Variants in MSI2 observed in about 807,000 individuals in gnomAD.
MSI2 encodes musashi RNA binding protein 2, also known as RNA-binding protein Musashi homolog 2.
Under a neutral mutation model 45.6 loss-of-function variants are expected in MSI2, and 17 were observed. That is an observed-to-expected ratio of 0.37 (90% CI 0.26 to 0.56). The LOEUF (loss-of-function observed/expected upper bound fraction) is 0.56, where lower values mean the gene tolerates loss of function less well. MSI2 is among the 20% of genes least tolerant of loss of function. The pLI, the probability that MSI2 is intolerant of heterozygous loss-of-function variation, is 0.77. For synonymous variants in MSI2, 156 were observed against 158.2 expected (o/e 0.99, Z 0.11); for missense variants, 293 against 444.2 (o/e 0.66, Z 3.06).
At chr17:57,331,831 C>T (rs1453538622) in intron 5 of MSI2, among the ~76,000 whole-genome samples, 4 of 152,184 alleles carry the variant, frequency 2.6e-5, no homozygotes, top group African/African-American at 7.2e-5. Context: ...TGTAAGTTTA[C>T]ACCAGTAAAG....
intron 10 of MSI2, among the ~76,000 whole-genome samples, chr17:57,646,527 G>A (rs1851064233): frequency 6.6e-6 from 1 of 152,198 alleles, no homozygotes; most frequent in African/African-American, 2.4e-5. Flanking sequence ...TGAGATGAAG[G>A]GACGTTAGAG....
chr17:57,653,686 T>A (rs1451815764), intron 11 of MSI2, among the ~76,000 whole-genome samples: 1 of 152,178 alleles, frequency 6.6e-6, no homozygotes, highest in East Asian at 1.9e-4. Flanking sequence ...GTTTCTTTCT[T>A]TTTATAACTT....
At chr17:57,597,758 T>G (rs1210371138) in intron 8 of MSI2, among the ~76,000 whole-genome samples, 1 of 152,280 alleles carries the variant, frequency 6.6e-6, no homozygotes, top group Non-Finnish European at 1.5e-5. Context: ...TCTTTTGCTG[T>G]GCAGCTTTTG....
At chr17:57,319,148 A>G (rs1229804659) in intron 5 of MSI2, among the ~76,000 whole-genome samples, 5 of 152,238 alleles carry the variant, frequency 3.3e-5, no homozygotes, top group African/African-American at 1.2e-4. Flanking sequence ...GGCTGAGACA[A>G]TTGCTTAGAT....
rs539605962 is a variant in MSI2 at position 57,373,249 on chromosome 17, A to G, written c.313-28130A>G. On this transcript the variant is annotated intron_variant, in intron 5 of 13. Coordinates refer to ENST00000284073, the MANE Select transcript of MSI2 (RefSeq NM_138962.4). ...TGTCAAAAAAAAAAAATCACCAAAT[A>G]TTAGGTGTGTTAAGATCCTGGGAGA... Among the ~76,000 whole-genome samples, 637 of 150,884 alleles carry G rather than the reference A, an allele frequency of 4.2e-3. 3 individuals are homozygous for G. Among genetic ancestry groups the G allele is most frequent in the Non-Finnish European group, 6.5e-3 (435 of 67,386 alleles).
chr17:57,549,552 G>A (rs879815250), intron 7 of MSI2, among the ~76,000 whole-genome samples: 1 of 152,088 alleles, frequency 6.6e-6, no homozygotes, highest in Non-Finnish European at 1.5e-5. Context: ...TTAGGAGCTG[G>A]GTGAATATAA....
rs145308794 is a variant in MSI2, at chr17:57,308,593, A to G, written c.312+46401A>G. ...GCTTTTCCCCTGACCTTGTCATTTC[A>G]TTACCATCAGCTTTTGCTTGGTATG... is the stretch of plus-strand genomic sequence containing the variant. On this transcript the variant is annotated intron_variant, in intron 5 of 13. Transcript: ENST00000284073. 4.6e-5 allele frequency among the ~76,000 whole-genome samples: 7 copies of G among 152,194 alleles called. No homozygotes were observed. The East Asian group carries it at 1.4e-3, about 29-fold the overall frequency.
chr17:57,691,200 C>CTCTCTCTCATCTATCT, the MSI2 span, among the ~76,000 whole-genome samples: 7 of 140,312 alleles, frequency 5.0e-5, no homozygotes, highest in African/African-American at 1.8e-4. Flanking sequence ...CTCTCTCTCT[C>CTCTCTCTCATCTATCT]ATCTATCTAT....
chr17:57,508,666 G>T (rs1196548253), intron 6 of MSI2, among the ~76,000 whole-genome samples: 1 of 152,196 alleles, frequency 6.6e-6, no homozygotes, highest in Non-Finnish European at 1.5e-5. Context: ...TGGTTCAGAT[G>T]CCATCAGATG....
chr17:57,275,796 A>C (rs964014156), intron 5 of MSI2, among the ~76,000 whole-genome samples: 4 of 152,190 alleles, frequency 2.6e-5, no homozygotes, highest in African/African-American at 9.7e-5. Context: ...TACATTGACT[A>C]ATTATAGGGA....
At chr17:57,538,970 T>C (rs2086981710) in intron 7 of MSI2, among the ~76,000 whole-genome samples, 1 of 152,232 alleles carries the variant, frequency 6.6e-6, no homozygotes, top group African/African-American at 2.4e-5. Context: ...GCTTACGTCA[T>C]TTAATGAGTA....
chr17:57,574,041 A>G (rs968650782), intron 7 of MSI2, among the ~76,000 whole-genome samples: 1 of 152,158 alleles, frequency 6.6e-6, no homozygotes, highest in Non-Finnish European at 1.5e-5. Flanking sequence ...CTAGAGGAGA[A>G]CAAGTCAGGA....
intron 10 of MSI2, among the ~76,000 whole-genome samples, chr17:57,650,824 G>T (rs1240203791): frequency 6.6e-6 from 1 of 152,114 alleles, no homozygotes; most frequent in Non-Finnish European, 1.5e-5. Context: ...CTCTGTTTGG[G>T]GGAGCTTTGT....
intron 6 of MSI2, among the ~76,000 whole-genome samples, chr17:57,422,896 A>T (rs2084422656): frequency 6.6e-6 from 1 of 152,186 alleles, no homozygotes; most frequent in African/African-American, 2.4e-5. Flanking sequence ...TGGATGCATC[A>T]TTGGTGGCAG....
At chr17:57,381,240 A>T (rs1217383468) in intron 5 of MSI2, among the ~76,000 whole-genome samples, 1 of 151,040 alleles carries the variant, frequency 6.6e-6, no homozygotes. Flanking sequence ...TAATTTTTGT[A>T]TTTTTTTTAG....
chr17:57,663,538 T>G (rs1042330934), intron 11 of MSI2, among the ~76,000 whole-genome samples: 10 of 152,152 alleles, frequency 6.6e-5, no homozygotes, highest in Admixed American at 3.3e-4. Context: ...AGGCTCAGTG[T>G]GACAGACATA....
chr17:57,323,240 G>T (rs921333052), intron 5 of MSI2, among the ~76,000 whole-genome samples: 3 of 151,578 alleles, frequency 2.0e-5, no homozygotes, highest in Non-Finnish European at 4.4e-5. Context: ...GTTCCACACA[G>T]ATTGAGTCTA....
At chr17:57,367,574 T>C (rs957808621) in intron 5 of MSI2, among the ~76,000 whole-genome samples, 1 of 152,212 alleles carries the variant, frequency 6.6e-6, no homozygotes, top group Non-Finnish European at 1.5e-5. Context: ...CCTCAGGCTT[T>C]TCCTGTAGCT....
At chr17:57,422,998 G>T (rs376509957) in intron 6 of MSI2, among the ~76,000 whole-genome samples, 3 of 152,092 alleles carry the variant, frequency 2.0e-5, no homozygotes, top group Non-Finnish European at 4.4e-5. Context: ...TACTGGGTGC[G>T]TGTATAGCAG....
Sources: allele counts gnomAD v4.1 joint callset (sites outside exome capture counted in the v4.1 genomes callset), GRCh38; gene constraint gnomAD v4.1.1; transcripts MANE v1.5; gene names NCBI Gene and HGNC (gene_info 2026-07-23, HGNC 2026-07-21).